Variants in LRRC4C observed in about 807,000 individuals in gnomAD.
LRRC4C encodes the protein leucine rich repeat containing 4C, also known as leucine-rich repeat-containing protein 4C.
In LRRC4C, 5 loss-of-function variants were observed where a neutral mutation model predicts 33.6. The observed-to-expected ratio is 0.15, with a 90% confidence interval of 0.08 to 0.31. The LOEUF (loss-of-function observed/expected upper bound fraction) is 0.31. Ranked by LOEUF, LRRC4C falls within the 10% of genes least tolerant of loss-of-function variation. The pLI is 1.00. For synonymous variants in LRRC4C, 329 were observed against 302.0 expected, an observed-to-expected ratio of 1.09 and a Z score of -0.93; for missense variants, 560 against 796.7, an observed-to-expected ratio of 0.70 and a Z score of 3.58.
intron 3 of LRRC4C, among the ~76,000 whole-genome samples, chr11:40,343,791 A>C (rs563059520): frequency 2.0e-5 from 3 of 152,038 alleles, no homozygotes; most frequent in Middle Eastern, 3.4e-3. Context: ...GATCCAAATA[A>C]ACATAATTAG....
chr11:41,395,612 A>T (rs1161266561), intron 1 of LRRC4C, among the ~76,000 whole-genome samples: 1 of 152,026 alleles, frequency 6.6e-6, no homozygotes, highest in Non-Finnish European at 1.5e-5. Flanking sequence ...TATTATTAAC[A>T]CCCATTTTAC....
chr11:40,573,756 A>G (rs1234339164), intron 3 of LRRC4C, among the ~76,000 whole-genome samples: 1 of 152,234 alleles, frequency 6.6e-6, no homozygotes, highest in African/African-American at 2.4e-5. Context: ...ATGCTTTGAC[A>G]GAGGATAACT....
At chr11:40,641,688 G>A (rs1942130849) in intron 3 of LRRC4C, among the ~76,000 whole-genome samples, 1 of 152,098 alleles carries the variant, frequency 6.6e-6, no homozygotes, top group Non-Finnish European at 1.5e-5. Context: ...ATTAAACATG[G>A]CTTACTTTTG....
chr11:41,039,799 G>C lies in LRRC4C; in HGVS notation c.-495-106076C>G, dbSNP rs533929531. Among the ~76,000 whole-genome samples, 4 of 152,098 alleles carry C rather than the reference G, an allele frequency of 2.6e-5. No homozygotes were observed. The South Asian group carries it at 8.3e-4, about 32-fold the overall frequency. On this transcript the variant is annotated intron_variant, in intron 1 of 6. Transcript: ENST00000528697. The stretch of plus-strand genomic sequence containing the variant: ...GAAACTACTTGCTATTTGATACCAG[G>C]CCTCCATTAGTGATTTGATCTTTTG...
chr11:41,330,284 A>G (rs1425039006), intron 1 of LRRC4C, among the ~76,000 whole-genome samples: 1 of 152,134 alleles, frequency 6.6e-6, no homozygotes, highest in Non-Finnish European at 1.5e-5. Context: ...CCTCATTTGA[A>G]TTCTCATTAC....
At chr11:41,237,212 T>C (rs537178693) in intron 1 of LRRC4C, among the ~76,000 whole-genome samples, 32 of 152,212 alleles carry the variant, frequency 2.1e-4, no homozygotes, top group Non-Finnish European at 4.6e-4. Flanking sequence ...ATCTGGATTA[T>C]TTTGAAAGCA....
rs570957827 is a variant in LRRC4C, at chr11:40,540,992, A to AG, written c.-270+107149dup. ...CTCCTGATATTTATACACTCCTCAA[A>AG]GCACCTATAGGGAAATCAAACACTT... On this transcript the variant is annotated intron_variant, in intron 3 of 6. Coordinates refer to ENST00000528697, the MANE Select transcript of LRRC4C (RefSeq NM_001258419.2). Among the ~76,000 whole-genome samples the AG allele has an allele frequency of 1.3e-3, 204 of 152,278 alleles. 2 individuals carry two copies. Among genetic ancestry groups the AG allele is most frequent in the South Asian group, 9.3e-3 (45 of 4,826 alleles).
At chr11:41,269,843 A>G (rs1949267603) in intron 1 of LRRC4C, among the ~76,000 whole-genome samples, 1 of 152,126 alleles carries the variant, frequency 6.6e-6, no homozygotes, top group Admixed American at 6.6e-5. Flanking sequence ...TACTGTGTCC[A>G]TCAAAGGAGG....
chr11:41,083,461 T>C (rs1471331684), intron 1 of LRRC4C, among the ~76,000 whole-genome samples: 1 of 152,156 alleles, frequency 6.6e-6, no homozygotes, highest in Non-Finnish European at 1.5e-5. Context: ...CCGCCACATT[T>C]CATCAGCCTG....
At chr11:40,983,470 T>C (rs903016385) in intron 1 of LRRC4C, among the ~76,000 whole-genome samples, 1 of 152,122 alleles carries the variant, frequency 6.6e-6, no homozygotes, top group Non-Finnish European at 1.5e-5. Context: ...GATTTCTGGA[T>C]GAAGACTCCA....
At chr11:41,453,194 C>T (rs999555316) in intron 1 of LRRC4C, among the ~76,000 whole-genome samples, 1 of 152,156 alleles carries the variant, frequency 6.6e-6, no homozygotes, top group Admixed American at 6.5e-5. Flanking sequence ...CATTTCTTTA[C>T]TTTCCTCTGT....
chr11:40,200,784 A>AAAAAAAAAAAAAAAAAAAAAAAG (rs71060946), intron 5 of LRRC4C, among the ~76,000 whole-genome samples: 15 of 78,420 alleles, frequency 1.9e-4, no homozygotes, highest in South Asian at 4.9e-4. Context: ...AAAAAAAAAA[A>AAAAAAAAAAAAAAAAAAAAAAAG]AAAAGAAAAG....
chr11:41,030,815 C>T (rs901745296), intron 1 of LRRC4C, among the ~76,000 whole-genome samples: 3 of 151,520 alleles, frequency 2.0e-5, no homozygotes, highest in Non-Finnish European at 2.9e-5. Flanking sequence ...CATACACACA[C>T]ATATATATAT....
chr11:40,452,293 C>T (rs1308542655), intron 3 of LRRC4C, among the ~76,000 whole-genome samples: 2 of 151,978 alleles, frequency 1.3e-5, no homozygotes, highest in South Asian at 2.1e-4. Flanking sequence ...TGACAAAGGG[C>T]TAATATCCAG....
intron 3 of LRRC4C, among the ~76,000 whole-genome samples, chr11:40,489,962 T>C (rs1447746794): frequency 6.6e-6 from 1 of 152,064 alleles, no homozygotes; most frequent in African/African-American, 2.4e-5. Flanking sequence ...CAATGGAAAA[T>C]ATAGGCCTTC....
At chr11:40,472,539 C>T (rs558558361) in intron 3 of LRRC4C, among the ~76,000 whole-genome samples, 1 of 149,822 alleles carries the variant, frequency 6.7e-6, no homozygotes, top group African/African-American at 2.4e-5. Context: ...CCTAACATCA[C>T]AATTAAAAGA....
rs539888388 is a variant in LRRC4C at position 41,034,947 on chromosome 11, ATTTAC to A, written c.-495-101229_-495-101225del. ...ATTTTTTGGGGGTCGTTGGTATTTT[ATTTAC>A]TTTATTTTATTTTTTGTTGTTATGT... On this transcript the variant is annotated intron_variant, in intron 1 of 6. Coordinates refer to ENST00000528697, the MANE Select transcript of LRRC4C (RefSeq NM_001258419.2). Among the ~76,000 whole-genome samples, 391 of 149,148 alleles carry A rather than the reference ATTTAC, an allele frequency of 2.6e-3. 1 individual carries two copies. The highest frequency in any genetic ancestry group is 9.2e-3 in the African/African-American group (376 of 40,904).
chr11:40,578,141 GTTTTTTTTTTTTT>G (rs1360920903), intron 3 of LRRC4C, among the ~76,000 whole-genome samples: 1 of 50,136 alleles, frequency 2.0e-5, no homozygotes, highest in Admixed American at 3.4e-4. Flanking sequence ...TTTTTTTTCG[GTTTTTTTTTTTTT>G]TTTTTTTTTT....
At chr11:40,965,772 C>G (rs1406589019) in intron 1 of LRRC4C, among the ~76,000 whole-genome samples, 1 of 152,048 alleles carries the variant, frequency 6.6e-6, no homozygotes, top group Non-Finnish European at 1.5e-5. Flanking sequence ...GTTACTGTAG[C>G]CTTGGAGTAT....
Sources: allele counts gnomAD v4.1 joint callset (sites outside exome capture counted in the v4.1 genomes callset), GRCh38; gene constraint gnomAD v4.1.1; transcripts MANE v1.5; gene names NCBI Gene and HGNC (gene_info 2026-07-23, HGNC 2026-07-21).